Variants in RHPN1 observed in about 807,000 individuals in gnomAD.
The protein encoded by RHPN1 is rhophilin Rho GTPase binding protein 1, also known as rhophilin-1.
A neutral mutation model predicts 74.7 loss-of-function variants in RHPN1; 77 were observed. That is an observed-to-expected ratio of 1.03 (90% CI 0.86 to 1.25). RHPN1 has a LOEUF of 1.25. RHPN1 is among the 50% of genes most tolerant of loss of function. The pLI is 0.00. For missense variants in RHPN1, 987 were observed against 932.2 expected, an observed-to-expected ratio of 1.06 and a Z score of -0.77; for synonymous variants, 444 against 414.5, an observed-to-expected ratio of 1.07 and a Z score of -0.87.
upstream of RHPN1, among the ~76,000 whole-genome samples, chr8:143,365,742 A>T (rs530105452): frequency 1.4e-4 from 21 of 152,370 alleles, no homozygotes; most frequent in Middle Eastern, 6.8e-3. Context: ...TCACACCTGT[A>T]ATCCCAGCAC....
chr8:143,375,700 C>T (rs1375471098), intron 2 of RHPN1, 32 bp downstream of exon 2: 1 of 1,527,578 alleles, frequency 6.5e-7, no homozygotes. Context: ...GCCCCGGGAG[C>T]AGGGCCCACC....
At chr8:143,377,061 CGCGTGTGTGT>C (rs1380279623) in intron 3 of RHPN1, among the ~76,000 whole-genome samples, 2 of 109,278 alleles carry the variant, frequency 1.8e-5, no homozygotes, top group Non-Finnish European at 4.1e-5. Flanking sequence ...TCTGTGTGTG[CGCGTGTGTGT>C]GTCTGCACGT....
intron 14 of RHPN1, 32 bp downstream of exon 14, chr8:143,382,000 C>G (rs1176759442): frequency 1.3e-6 from 2 of 1,539,916 alleles, no homozygotes; most frequent in Non-Finnish European, 1.7e-6. Flanking sequence ...GGGGCGGTCC[C>G]CAGCTTGCTG....
chr8:143,366,086 C>T (rs1230126807), upstream of RHPN1, among the ~76,000 whole-genome samples: 5 of 151,560 alleles, frequency 3.3e-5, no homozygotes, highest in Admixed American at 2.6e-4. Flanking sequence ...ATCACTGGAG[C>T]TCAGAAGTTC....
chr8:143,371,711 G>A (rs921998962), intron 1 of RHPN1, among the ~76,000 whole-genome samples: 3 of 152,174 alleles, frequency 2.0e-5, no homozygotes, highest in African/African-American at 4.8e-5. Context: ...GCTGCCTCTC[G>A]GGACCCCCAC....
chr8:143,380,583 G>T lies in RHPN1; in HGVS notation c.1217-6G>T. On this transcript the variant is annotated splice_region_variant and splice_polypyrimidine_tract_variant and intron_variant, in intron 10 of 14. Coordinates refer to ENST00000289013, the MANE Select transcript of RHPN1 (RefSeq NM_052924.3). ...GGTGTGTGACATCCCAGTGCCCCGC[G>T]TGCAGGCAAGGCACACCTGAAGCGT... 6.7e-7 allele frequency: 1 copy of T among 1,492,332 alleles called. No homozygotes were observed. Among genetic ancestry groups the T allele is most frequent in the Non-Finnish European group, 9.0e-7 (1 of 1,116,496 alleles). 92.4% of individuals were successfully genotyped at this position (1,492,332 alleles called of 1,614,324 possible).
rs76495299 is a variant in RHPN1 at position 143,380,886 on chromosome 8, G to T, written c.1411+103G>T. 5.5e-4 allele frequency: 549 copies of T among 990,826 alleles called. 4 individuals carry two copies. The East Asian group carries it at 0.015, about 26-fold the overall frequency. The allele number at this position is 990,826 out of a possible 1,614,324, so 61.4% of individuals were successfully genotyped here. A position where few individuals can be genotyped will look rare whatever the true frequency, so the allele number is the denominator to read the frequency against. The stretch of plus-strand genomic sequence containing the variant: ...ATTGCATTAAAGATGCAGTCACCAC[G>T]ATGAATTAAACAGCAGTAGCACTTT... On this transcript the variant is annotated intron_variant, in intron 11 of 14. Transcript: ENST00000289013.
chr8:143,369,110 C>A (rs567574504), intron 1 of RHPN1, 63 bp downstream of exon 1: 16 of 1,305,612 alleles, frequency 1.2e-5, no homozygotes, highest in South Asian at 1.1e-4. Flanking sequence ...TCCTGCCCCC[C>A]CTCGAGGCGC....
In RHPN1 at chr8:143,368,940, C is replaced by A; in HGVS notation, c.-48C>A. On this transcript the variant is annotated 5_prime_UTR_variant, in exon 1 of 15. Transcript: ENST00000289013. ...GCCCGGCTGCGGAGCGCTGCGCGAGCGGCGGGCTGGCTGACCCCGAGGGAC... is the reference window on the plus strand; with the variant it reads ...GCCCGGCTGCGGAGCGCTGCGCGAGAGGCGGGCTGGCTGACCCCGAGGGAC... 2 of 1,398,952 alleles carry A rather than the reference C, an allele frequency of 1.4e-6. No homozygotes were observed. The highest frequency in any genetic ancestry group is 1.9e-6 in the Non-Finnish European group (2 of 1,073,462). The allele number at this position is 1,398,952 out of a possible 1,614,324, so 86.7% of individuals were successfully genotyped here. A position where few individuals can be genotyped will look rare whatever the true frequency, so the allele number is the denominator to read the frequency against.
chr8:143,377,275 A>C, intron 3 of RHPN1, 105 bp from the exon 4 acceptor site: 1 of 823,696 alleles, frequency 1.2e-6, no homozygotes, highest in South Asian at 1.6e-5. Flanking sequence ...CACACCCATG[A>C]GGGAGGGAGG....
chr8:143,378,737 G>C lies in RHPN1; in HGVS notation c.501G>C (p.Leu167=), dbSNP rs761684948. 5 of 1,592,780 alleles carry C rather than the reference G, an allele frequency of 3.1e-6. No individual in the cohort carries two copies. The highest frequency in any genetic ancestry group is 3.4e-6 in the Non-Finnish European group (4 of 1,170,390). Residue 167 remains leucine, a synonymous_variant, in exon 6 of 15, where the codon CTG becomes CTC. Transcript: ENST00000289013. ...GCCGGAATGAGTCGGGCCTGGAGCT[G>C]CTCACAGCCTATTACAACCAGCTGT... The part of the protein sequence containing the change: ...TPSRNESGLE[L]LTAYYNQLCF...
upstream of RHPN1, chr8:143,368,636 C>G (rs561002659): frequency 5.6e-6 from 1 of 179,554 alleles, no homozygotes; most frequent in South Asian, 1.9e-4. Context: ...GCAGTACAAC[C>G]TGCCAGCCAG....
rs1029873497 is a variant in RHPN1, at chr8:143,380,146, C to T, written c.1187C>T (p.Pro396Leu). Residue 396 changes from proline to leucine, a missense_variant, in exon 10 of 15, where the codon CCG becomes CTG. By Grantham distance (98) the Pro-to-Leu change is moderately conservative (BLOSUM62 -3). Coordinates refer to ENST00000289013, the MANE Select transcript of RHPN1 (RefSeq NM_052924.3). The part of the protein sequence containing the change: ...TSSKPRGPVL[P>L]QELEERRQLG... The stretch of plus-strand genomic sequence containing the variant: ...TCTAAGCCCCGAGGCCCTGTGCTGC[C>T]GCAGGAGCTGGAGGAGCGCAGGCAG... 5 of 1,547,872 alleles carry T rather than the reference C, an allele frequency of 3.2e-6. No homozygotes were observed. The highest frequency in any genetic ancestry group is 1.4e-5 in the African/African-American group (1 of 73,112).
chr8:143,380,267 G>C (rs1586830587), intron 10 of RHPN1, 92 bp downstream of exon 10: 1 of 906,496 alleles, frequency 1.1e-6, no homozygotes, highest in Non-Finnish European at 1.6e-6. Flanking sequence ...TTTGCCACCT[G>C]CTGTCCCCGT....
At chr8:143,376,731 ATG>A (rs1412104151) in intron 3 of RHPN1, 78 bp downstream of exon 3, 25 of 1,438,010 alleles carry the variant, frequency 1.7e-5, no homozygotes, top group Admixed American at 8.2e-5. Flanking sequence ...GTGTGCACGC[ATG>A]TGTGTCTCTG....
intron 1 of RHPN1, among the ~76,000 whole-genome samples, chr8:143,371,946 A>T (rs1817849467): frequency 1.3e-5 from 2 of 152,188 alleles, no homozygotes; most frequent in Admixed American, 1.3e-4. Context: ...CCCACCTCCA[A>T]GGTCTACCCA....
intron 3 of RHPN1, 85 bp from the exon 4 acceptor site, chr8:143,377,295 C>A: frequency 9.4e-7 from 1 of 1,066,990 alleles, no homozygotes; most frequent in Non-Finnish European, 1.4e-6. Context: ...GCACCCTGTG[C>A]CACAGAGCCC....
chr8:143,369,343 G>A (rs1462409911), intron 1 of RHPN1, among the ~76,000 whole-genome samples: 1 of 152,184 alleles, frequency 6.6e-6, no homozygotes, highest in Non-Finnish European at 1.5e-5. Flanking sequence ...GTGGGGCTGG[G>A]CTCTGTGAGC....
At position 143,381,788 on chromosome 8, in the gene RHPN1, C is replaced by T. The variant is rs752867094; in HGVS notation, c.1636-19C>T. The T allele has an allele frequency of 8.1e-6, 13 of 1,609,306 alleles. No homozygotes were observed. Among genetic ancestry groups the T allele is most frequent in the African/African-American group, 6.7e-5 (5 of 74,882 alleles). On this transcript the variant is annotated intron_variant, in intron 13 of 14. Coordinates refer to ENST00000289013, the MANE Select transcript of RHPN1 (RefSeq NM_052924.3). ...CCAGGGTGTCCTGTCCCCACCTCAC[C>T]GTCCAAGTCTCCCCACAGGCGGCTG... is the stretch of plus-strand genomic sequence containing the variant.
Sources: allele counts gnomAD v4.1 joint callset (sites outside exome capture counted in the v4.1 genomes callset), GRCh38; gene constraint gnomAD v4.1.1; transcripts MANE v1.5; gene names NCBI Gene and HGNC (gene_info 2026-07-23, HGNC 2026-07-21).